HDAC5: variants seen among roughly 807,000 people sequenced by gnomAD.
HDAC5 encodes the protein histone deacetylase 5, also known as antigen NY-CO-9.
In HDAC5, 25 loss-of-function variants were observed where a neutral mutation model predicts 133.3. That is an observed-to-expected ratio of 0.19 (90% CI 0.14 to 0.26). The LOEUF is 0.26. HDAC5 is among the 10% of genes least tolerant of loss of function. The pLI is 1.00. For synonymous variants in HDAC5, 589 were observed against 610.8 expected, an observed-to-expected ratio of 0.96 and a Z score of 0.53; for missense variants, 1,041 against 1,460.5, an observed-to-expected ratio of 0.71 and a Z score of 4.68.
intron 11 of HDAC5, among the ~76,000 whole-genome samples, chr17:44,089,573 C>CT (rs2143211197): frequency 6.6e-6 from 1 of 151,828 alleles, no homozygotes; most frequent in East Asian, 1.9e-4. Flanking sequence ...GGTGAAACTT[C>CT]TTCTCTAATA....
intron 14 of HDAC5, 170 bp from the exon 15 acceptor site, chr17:44,085,325 G>A (rs1597943259): frequency 4.6e-6 from 2 of 432,736 alleles, no homozygotes; most frequent in East Asian, 3.8e-5. Context: ...CTCCTCTCCA[G>A]CTTTTTTTTT....
chr17:44,086,774 C>G, intron 13 of HDAC5, 37 bp from the exon 14 acceptor site: 1 of 1,273,608 alleles, frequency 7.9e-7, no homozygotes, highest in Non-Finnish European at 1.0e-6. Flanking sequence ...GGGTCAGACT[C>G]AGCCAGGACA....
rs191194506 is a variant in HDAC5, at chr17:44,094,593, C to T, written c.95-759G>A. Among the ~76,000 whole-genome samples, 13 of 151,976 alleles carry T rather than the reference C, an allele frequency of 8.6e-5. No homozygotes were observed. In the East Asian group the frequency reaches 2.5e-3, roughly 29 times the overall value. Reference sequence around the variant, plus strand: ...TGGAGGTTGCAGTGAGCCAAGATCGCACCACTGCACTCCAGCCTGGGCGAC... The same window carrying T: ...TGGAGGTTGCAGTGAGCCAAGATCGTACCACTGCACTCCAGCCTGGGCGAC... On this transcript the variant is annotated intron_variant, in intron 3 of 26. Coordinates refer to ENST00000682912, the MANE Select transcript of HDAC5 (RefSeq NM_005474.5).
chr17:44,080,260 T>C (rs1322469545), intron 22 of HDAC5, 35 bp from the exon 23 acceptor site: 2 of 1,590,082 alleles, frequency 1.3e-6, no homozygotes, highest in Non-Finnish European at 1.7e-6. Context: ...GCCCGGCAGA[T>C]GACCAGGCCA....
rs755845958 is a variant in HDAC5, at chr17:44,086,725, C to A, written c.1897G>T (p.Ala633Ser). ...ACCTGCAAAGGCTGCAGCGGCTGGG[C>A]ATCTGAGAACAGCTGGAGGGGAGAA... ...GAGYKKLFSD[A>S]QPLQPLQVYQ... The change falls in exon 14 of 27, where the codon GCC (alanine) becomes TCC (serine). Residue 633 changes from alanine (A) to serine (S), a missense_variant. Ala to Ser is a moderately conservative substitution (Grantham distance 99, BLOSUM62 1). Coordinates refer to ENST00000682912, the MANE Select transcript of HDAC5 (RefSeq NM_005474.5). 3.1e-6 allele frequency: 4 copies of A among 1,295,652 alleles called. No homozygotes were observed. The African/African-American group carries it at 6.0e-5, about 20-fold the overall frequency. The allele number at this position is 1,295,652 out of a possible 1,614,324, so 80.3% of individuals were successfully genotyped here.
intron 2 of HDAC5, chr17:44,111,470 C>A: frequency 2.4e-6 from 1 of 425,374 alleles, no homozygotes. Context: ...GGAAGGGCGC[C>A]GGCCAGGGTA....
chr17:44,091,184 G>C, intron 11 of HDAC5, 86 bp downstream of exon 11: 1 of 986,336 alleles, frequency 1.0e-6, no homozygotes, highest in Non-Finnish European at 1.6e-6. Flanking sequence ...ATTCTGCTAA[G>C]GGGAACTGTG....
intron 3 of HDAC5, among the ~76,000 whole-genome samples, chr17:44,094,281 G>GC (rs1468842653): frequency 6.6e-6 from 1 of 150,460 alleles, no homozygotes; most frequent in Non-Finnish European, 1.5e-5. Context: ...CCAAGATCAT[G>GC]CAACTGCACT....
At chr17:44,078,906 AGG>A (rs1457641428) in intron 24 of HDAC5, 27 bp from the exon 25 acceptor site, 1 of 1,611,840 alleles carries the variant, frequency 6.2e-7, no homozygotes, top group Non-Finnish European at 8.5e-7. Context: ...GAGAAGGCTT[AGG>A]GTGGGGAGTA....
At chr17:44,102,623 T>C (rs1028989345) in intron 3 of HDAC5, among the ~76,000 whole-genome samples, 3 of 151,592 alleles carry the variant, frequency 2.0e-5, no homozygotes, top group Admixed American at 2.0e-4. Context: ...CCTCCCAAAG[T>C]GTTGGGATTA....
intron 3 of HDAC5, among the ~76,000 whole-genome samples, chr17:44,096,381 G>A (rs1313527714): frequency 6.6e-6 from 1 of 151,284 alleles, no homozygotes. Flanking sequence ...AGTATCTTCT[G>A]CCTTCATGAG....
At chr17:44,122,704 G>C (rs963880159) in intron 1 of HDAC5, among the ~76,000 whole-genome samples, 52 of 152,218 alleles carry the variant, frequency 3.4e-4, no homozygotes, top group African/African-American at 1.2e-3. Context: ...ATCTTCCCCA[G>C]GGCCCCAGGG....
In HDAC5 at chr17:44,091,315, C is replaced by T; in HGVS notation, c.1342G>A (p.Val448Met). Residue 448 changes from valine (V) to methionine (M), a missense_variant, in exon 11 of 27, where the codon GTG becomes ATG. By Grantham distance (21) the Val-to-Met change is conservative (BLOSUM62 1). Coordinates refer to ENST00000682912, the MANE Select transcript of HDAC5 (RefSeq NM_005474.5). ...TGCCGGGCCTGCTCCAGCAACAGCA[C>T]ATGCTGCAGCAGGGAGGCATGCCCG... ...PHGHASLLQHVLLLEQARQQS... is the reference protein window; with the variant it reads ...PHGHASLLQHMLLLEQARQQS... 2 of 1,611,584 alleles carry T rather than the reference C, an allele frequency of 1.2e-6. No homozygotes were observed. The highest frequency in any genetic ancestry group is 1.1e-5 in the South Asian group (1 of 90,852).
At chr17:44,078,455 A>G in intron 26 of HDAC5, 40 bp from the exon 27 acceptor site, 1 of 1,572,546 alleles carries the variant, frequency 6.4e-7, no homozygotes. Context: ...AGTGGGGCGC[A>G]CCAGCAGGGG....
chr17:44,114,163 T>C (rs1208532989), intron 2 of HDAC5, among the ~76,000 whole-genome samples: 3 of 152,196 alleles, frequency 2.0e-5, no homozygotes, highest in Non-Finnish European at 2.9e-5. Flanking sequence ...TCAATCTCTT[T>C]GGAATGATAG....
rs1313447887 is a variant in HDAC5, at chr17:44,077,696, C to T, written c.*680G>A. On this transcript the variant is annotated 3_prime_UTR_variant, in exon 27 of 27. Transcript: ENST00000682912. The stretch of plus-strand genomic sequence containing the variant: ...CTCCTTCCCCACACACTTTCACCCT[C>T]TCAGCCCCGGGGAAGGGGAAGTAGG... 2 of 152,364 alleles carry T rather than the reference C, an allele frequency of 1.3e-5. No individual in the cohort carries two copies. The highest frequency in any genetic ancestry group is 2.9e-5 in the Non-Finnish European group (2 of 68,146). The allele number at this position is 152,364 out of a possible 1,614,324, so 9.4% of individuals were successfully genotyped here.
chr17:44,122,613 C>A (rs1303748302), intron 1 of HDAC5, among the ~76,000 whole-genome samples: 1 of 152,164 alleles, frequency 6.6e-6, no homozygotes, highest in African/African-American at 2.4e-5. Context: ...CATCTCCTCT[C>A]CCAAAGGAAG....
Position 44,123,609 on chromosome 17 carries a change from C to G in HDAC5, c.-295G>C. On this transcript the variant is annotated 5_prime_UTR_variant, in exon 1 of 27. Transcript: ENST00000682912. Reference sequence around the variant, plus strand: ...CTCCTCCATCTTTGCGGCGGCTCCTCCGGCTCCGCTCGCCGCCGCCACCAA... The same window carrying G: ...CTCCTCCATCTTTGCGGCGGCTCCTGCGGCTCCGCTCGCCGCCGCCACCAA... The G allele has an allele frequency of 2.5e-6, 1 of 396,926 alleles. No individual in the cohort carries two copies. Among genetic ancestry groups the G allele is most frequent in the Admixed American group, 4.4e-5 (1 of 22,666 alleles). 24.6% of individuals were successfully genotyped at this position (396,926 alleles called of 1,614,324 possible).
chr17:44,084,343 ACTTCCAT>A (rs1420007465), intron 16 of HDAC5, among the ~76,000 whole-genome samples: 2 of 152,166 alleles, frequency 1.3e-5, no homozygotes, highest in African/African-American at 4.8e-5. Context: ...CCAACCGAGC[ACTTCCAT>A]CCTCCTGCAC....
Sources: gnomAD v4.1 joint callset for allele counts (sites outside exome capture counted in the v4.1 genomes callset) on GRCh38, gnomAD v4.1.1 for gene constraint, MANE v1.5 for transcripts, NCBI Gene and HGNC (gene_info 2026-07-23, HGNC 2026-07-21) for gene names.